The following PTPRD variants were observed in gnomAD, a reference collection of about 807,000 sequenced individuals.
PTPRD encodes protein tyrosine phosphatase receptor type D.
In PTPRD, 34 loss-of-function variants were observed where a neutral mutation model predicts 214.5. That is an observed-to-expected ratio of 0.16 (90% confidence interval 0.12 to 0.21). The LOEUF (loss-of-function observed/expected upper bound fraction) is 0.21, where lower values mean the gene tolerates loss of function less well. PTPRD is among the 10% of genes least tolerant of loss of function. PTPRD has a pLI of 1.00. For synonymous variants in PTPRD, 1,128 were observed against 845.7 expected (o/e 1.33, Z -5.79); for missense variants, 2,545 against 2,398.7 (o/e 1.06, Z -1.27).
intron 5 of PTPRD, among the ~76,000 whole-genome samples, chr9:9,838,389 T>G (rs1774057525): frequency 1.3e-5 from 2 of 151,994 alleles, no homozygotes; most frequent in Admixed American, 1.3e-4. Flanking sequence ...CCACCAACAG[T>G]GTAAAAGTGT....
At chr9:9,805,719 G>A (rs1286218997) in intron 5 of PTPRD, among the ~76,000 whole-genome samples, 2 of 152,012 alleles carry the variant, frequency 1.3e-5, no homozygotes, top group Non-Finnish European at 2.9e-5. Flanking sequence ...TGGTTGAAAT[G>A]GTACCTAATT....
At chr9:9,967,160 C>G (rs1227837435) in intron 4 of PTPRD, among the ~76,000 whole-genome samples, 1 of 152,148 alleles carries the variant, frequency 6.6e-6, no homozygotes, top group East Asian at 1.9e-4. Context: ...TCTGCACATT[C>G]TTAGACAAAT....
intron 9 of PTPRD, among the ~76,000 whole-genome samples, chr9:9,329,410 A>C (rs761301333): frequency 1.3e-5 from 2 of 152,184 alleles, no homozygotes; most frequent in African/African-American, 2.4e-5. Context: ...CACAGATTCC[A>C]TGCCCTTTAC....
intron 8 of PTPRD, among the ~76,000 whole-genome samples, chr9:9,458,349 T>A (rs1463550038): frequency 6.6e-6 from 1 of 152,122 alleles, no homozygotes; most frequent in East Asian, 1.9e-4. Context: ...ATTGTACCAC[T>A]ATTTTTTTAG....
At chr9:10,503,708 G>A (rs1402655941) in intron 2 of PTPRD, among the ~76,000 whole-genome samples, 4 of 152,006 alleles carry the variant, frequency 2.6e-5, no homozygotes, top group Non-Finnish European at 5.9e-5. Flanking sequence ...CCAGATTAAA[G>A]ATAAATGAAT....
rs939938734 is a variant in PTPRD, at chr9:9,314,407, A to G, written c.-203+83042T>C. Among the ~76,000 whole-genome samples, 2 of 152,110 alleles carry G rather than the reference A, an allele frequency of 1.3e-5. 1 individual carries two copies. The highest frequency in any genetic ancestry group is 4.1e-4 in the South Asian group (2 of 4,832). The stretch of plus-strand genomic sequence containing the variant: ...TCTGTGGTGTCAAACACATGGGTGG[A>G]ATTTAAATGGACATAAATTAGTAGT... On this transcript the variant is annotated intron_variant, in intron 9 of 45. Transcript: ENST00000381196.
At chr9:8,463,745 C>G (rs7028516) in intron 32 of PTPRD, among the ~76,000 whole-genome samples, 36,103 of 151,704 alleles carry the variant, frequency 0.24, 4,359 homozygotes, top group East Asian at 0.33. Flanking sequence ...TAATATGAGA[C>G]AAAGGATTAG....
chr9:10,465,241 A>G (rs1224332861), intron 2 of PTPRD, among the ~76,000 whole-genome samples: 8 of 152,220 alleles, frequency 5.3e-5, no homozygotes, highest in Non-Finnish European at 1.0e-4. Context: ...TTGTTTGCTT[A>G]TAACAACAGC....
At chr9:10,084,007 G>A (rs1020098378) in intron 3 of PTPRD, among the ~76,000 whole-genome samples, 5 of 151,976 alleles carry the variant, frequency 3.3e-5, no homozygotes, top group Admixed American at 3.3e-4. Context: ...TAATGACCAT[G>A]TGACTTTAGA....
At chr9:10,602,332 G>A (rs755280645) in intron 2 of PTPRD, among the ~76,000 whole-genome samples, 1 of 151,540 alleles carries the variant, frequency 6.6e-6, no homozygotes, top group Non-Finnish European at 1.5e-5. Flanking sequence ...TCAAAATTAG[G>A]GCACCAGGTT....
chr9:9,746,258 CT>C (rs895177557), intron 6 of PTPRD, among the ~76,000 whole-genome samples: 1 of 152,026 alleles, frequency 6.6e-6, no homozygotes, highest in African/African-American at 2.4e-5. Context: ...TCAGGTCAAA[CT>C]TTTTAGAAGG....
chr9:8,828,071 T>A (rs1312832777), intron 11 of PTPRD, among the ~76,000 whole-genome samples: 2 of 152,206 alleles, frequency 1.3e-5, no homozygotes, highest in Non-Finnish European at 2.9e-5. Context: ...CATAAAAGTC[T>A]ACAGGTTATA....
chr9:9,422,031 G>T (rs1387795588), intron 8 of PTPRD, among the ~76,000 whole-genome samples: 1 of 151,944 alleles, frequency 6.6e-6, no homozygotes, highest in African/African-American at 2.4e-5. Context: ...AAGGAGTAAT[G>T]AAAGCTTTTG....
intron 2 of PTPRD, among the ~76,000 whole-genome samples, chr9:10,541,670 A>T (rs2059147383): frequency 1.3e-5 from 2 of 151,996 alleles, no homozygotes; most frequent in African/African-American, 4.8e-5. Context: ...TACAATTTTA[A>T]ATAAACATAT....
intron 7 of PTPRD, among the ~76,000 whole-genome samples, chr9:9,716,031 G>A (rs1400255840): frequency 6.7e-6 from 1 of 150,130 alleles, no homozygotes; most frequent in Non-Finnish European, 1.5e-5. Flanking sequence ...AGTCCCCAGA[G>A]TGTGATGTCC....
At chr9:8,929,266 C>G (rs938888980) in intron 11 of PTPRD, among the ~76,000 whole-genome samples, 1 of 151,948 alleles carries the variant, frequency 6.6e-6, no homozygotes, top group Non-Finnish European at 1.5e-5. Flanking sequence ...TGTCTTGTGC[C>G]GGTTTTCAAA....
At chr9:10,515,300 T>C (rs983277927) in intron 2 of PTPRD, among the ~76,000 whole-genome samples, 1 of 151,974 alleles carries the variant, frequency 6.6e-6, no homozygotes, top group African/African-American at 2.4e-5. Flanking sequence ...TTATGCTCCA[T>C]GTCTTTTGAA....
chr9:9,659,252 C>A (rs1174530004), intron 7 of PTPRD, among the ~76,000 whole-genome samples: 1 of 151,868 alleles, frequency 6.6e-6, no homozygotes, highest in East Asian at 1.9e-4. Flanking sequence ...ATATGTGTAG[C>A]TTAAAGATTC....
chr9:9,248,687 G>A (rs935990593), intron 9 of PTPRD, among the ~76,000 whole-genome samples: 2 of 152,030 alleles, frequency 1.3e-5, no homozygotes, highest in Admixed American at 6.6e-5. Flanking sequence ...GTCTAGCTAA[G>A]GGAATGAGAA....
Sources: gnomAD v4.1 joint callset for allele counts (sites outside exome capture counted in the v4.1 genomes callset) on GRCh38, gnomAD v4.1.1 for gene constraint, MANE v1.5 for transcripts, NCBI Gene and HGNC (gene_info 2026-07-23, HGNC 2026-07-21) for gene names.